TENM3: variants seen among roughly 807,000 people sequenced by gnomAD.
TENM3 encodes teneurin-3.
TENM3 carries 63 observed loss-of-function variants against 255.1 expected under a neutral mutation model. The ratio of observed to expected loss-of-function variants is 0.25; its 90% CI spans 0.20 to 0.30. The LOEUF (loss-of-function observed/expected upper bound fraction) is 0.30. Among genes scored for constraint, TENM3 ranks in the 10% least tolerant of loss-of-function variants. TENM3 has a pLI of 1.00. For synonymous variants in TENM3, 1,306 were observed against 1,322.3 expected (o/e 0.99, Z 0.27); for missense variants, 2,929 against 3,461.1 (o/e 0.85, Z 3.86).
At chr4:181,854,360 C>T in the TENM3 span, among the ~76,000 whole-genome samples, 2 of 152,122 alleles carry the variant, frequency 1.3e-5, no homozygotes, top group Non-Finnish European at 2.9e-5. Flanking sequence ...TCAAGCAATC[C>T]GAATTAGTCA....
Position 182,796,656 on chromosome 4 carries a change from G to A in TENM3, c.7233G>A (p.Val2411=). 2 of 1,609,638 alleles carry A rather than the reference G, an allele frequency of 1.2e-6. No individual in the cohort carries two copies. The highest frequency in any genetic ancestry group is 1.7e-5 in the Admixed American group (1 of 59,456). Residue 2411 remains valine, a synonymous_variant, in exon 27 of 28, where the codon GTG becomes GTA. Transcript: ENST00000511685. ...DYITDVNSWL[V]TFGFHLHNAI... is the part of the protein sequence containing the mutation. ...TCCTAGATGTTAACAGCTGGCTGGT[G>A]ACATTTGGTTTCCATCTGCACAATG...
In TENM3 at chr4:182,226,645, A is replaced by G. The variant is rs547266912; in HGVS notation, c.-76+81891A>G. On this transcript the variant is annotated intron_variant, in intron 1 of 2. Transcript: ENST00000512480. Reference sequence around the variant, plus strand: ...AGTGGCTGAGTCTCCAGCCTTTTCTATGGAGCAGAGCCTCCCTCCACCTTG... The same window carrying G: ...AGTGGCTGAGTCTCCAGCCTTTTCTGTGGAGCAGAGCCTCCCTCCACCTTG... Among the ~76,000 whole-genome samples the G allele has an allele frequency of 2.0e-5, 3 of 152,236 alleles. No individual in the cohort carries two copies. In the East Asian group the frequency reaches 5.8e-4, roughly 29 times the overall value.
At chr4:182,634,683 A>G (rs143924631) in intron 5 of TENM3, among the ~76,000 whole-genome samples, 92 of 139,794 alleles carry the variant, frequency 6.6e-4, no homozygotes, top group African/African-American at 2.3e-3. Flanking sequence ...TGATGTACTC[A>G]TTCTTCTTTT....
the TENM3 span, among the ~76,000 whole-genome samples, chr4:181,460,535 G>A: frequency 6.6e-6 from 1 of 151,608 alleles, no homozygotes; most frequent in East Asian, 1.9e-4. Context: ...ATACAACTGG[G>A]TGAAAATCTC....
the TENM3 span, among the ~76,000 whole-genome samples, chr4:181,644,113 A>G: frequency 6.6e-6 from 1 of 151,864 alleles, no homozygotes; most frequent in African/African-American, 2.4e-5. Context: ...TGAGCAAGGA[A>G]TTCTGCATGT....
chr4:182,491,387 T>TTGTG (rs760430326), intron 3 of TENM3, among the ~76,000 whole-genome samples: 16 of 105,716 alleles, frequency 1.5e-4, no homozygotes, highest in Admixed American at 3.6e-4. Flanking sequence ...GCAGTGAAAT[T>TTGTG]TATGTGTGTG....
At chr4:182,786,694 G>C (rs887723849) in intron 24 of TENM3, among the ~76,000 whole-genome samples, 4 of 152,264 alleles carry the variant, frequency 2.6e-5, no homozygotes, top group African/African-American at 9.6e-5. Flanking sequence ...CAGAGATGAA[G>C]GAGGGTCCAG....
At chr4:182,188,531 T>G (rs1462488972) in intron 1 of TENM3, among the ~76,000 whole-genome samples, 1 of 152,172 alleles carries the variant, frequency 6.6e-6, no homozygotes, top group Non-Finnish European at 1.5e-5. Context: ...TATTTTTTGG[T>G]TTTGTTTTCA....
the TENM3 span, among the ~76,000 whole-genome samples, chr4:181,731,692 A>G: frequency 6.6e-6 from 1 of 152,180 alleles, no homozygotes; most frequent in Non-Finnish European, 1.5e-5. Flanking sequence ...TTGAATTAGT[A>G]TGGCTTTTGT....
chr4:182,645,933 G>A (rs376827967), intron 5 of TENM3, among the ~76,000 whole-genome samples: 18 of 152,188 alleles, frequency 1.2e-4, no homozygotes, highest in East Asian at 9.6e-4. Context: ...CCAGAAGACA[G>A]GGCTTATCTG....
At chr4:181,738,120 A>G in the TENM3 span, among the ~76,000 whole-genome samples, 1 of 152,202 alleles carries the variant, frequency 6.6e-6, no homozygotes, top group South Asian at 2.1e-4. Flanking sequence ...CCATACAGTA[A>G]TGTTTTCATC....
the TENM3 span, among the ~76,000 whole-genome samples, chr4:181,920,735 T>G: frequency 6.6e-6 from 1 of 151,808 alleles, no homozygotes; most frequent in African/African-American, 2.4e-5. Flanking sequence ...CTCTTTAGTT[T>G]AATTAGATCC....
the TENM3 span, among the ~76,000 whole-genome samples, chr4:182,023,657 T>C: frequency 6.6e-6 from 1 of 152,226 alleles, no homozygotes; most frequent in East Asian, 1.9e-4. Context: ...ACCTGGAATC[T>C]GGCAAAAAGG....
At chr4:181,927,978 A>T in the TENM3 span, among the ~76,000 whole-genome samples, 1 of 152,208 alleles carries the variant, frequency 6.6e-6, no homozygotes, top group Admixed American at 6.5e-5. Context: ...AAGGAATAGA[A>T]TCAACATCAA....
chr4:182,253,977 G>A (rs1758208138), intron 1 of TENM3, among the ~76,000 whole-genome samples: 1 of 152,104 alleles, frequency 6.6e-6, no homozygotes, highest in African/African-American at 2.4e-5. Flanking sequence ...TATATTTTAT[G>A]TTTGCCTTTA....
chr4:182,545,948 G>T (rs545406413), intron 3 of TENM3, among the ~76,000 whole-genome samples: 127 of 152,264 alleles, frequency 8.3e-4, no homozygotes, highest in African/African-American at 2.9e-3. Context: ...CTATTGACCA[G>T]AAGCCTTACC....
At chr4:182,235,586 A>G (rs780041529) in intron 1 of TENM3, among the ~76,000 whole-genome samples, 26 of 152,072 alleles carry the variant, frequency 1.7e-4, no homozygotes, top group Non-Finnish European at 3.7e-4. Flanking sequence ...CACGGGAGCC[A>G]TCTCTCACAA....
At chr4:181,552,664 A>G in the TENM3 span, among the ~76,000 whole-genome samples, 5 of 152,160 alleles carry the variant, frequency 3.3e-5, no homozygotes, top group Non-Finnish European at 7.4e-5. Flanking sequence ...ACTGGGGGGA[A>G]AATGGGCTTT....
In TENM3 at chr4:182,596,719, A is replaced by G. The variant is rs183984653; in HGVS notation, c.512-4205A>G. Among the ~76,000 whole-genome samples the G allele has an allele frequency of 2.1e-4, 32 of 152,300 alleles. No individual in the cohort carries two copies. The East Asian group carries it at 6.0e-3, about 29-fold the overall frequency. On this transcript the variant is annotated intron_variant, in intron 3 of 27. Transcript: ENST00000511685. ...AAAAATATATTTTGGGGTATCTGTG[A>G]CCAAATATAACATTCACCTTTAGAG...
Sources: gnomAD v4.1 joint callset for allele counts (sites outside exome capture counted in the v4.1 genomes callset) on GRCh38, gnomAD v4.1.1 for gene constraint, MANE v1.5 for transcripts, NCBI Gene and HGNC (gene_info 2026-07-23, HGNC 2026-07-21) for gene names.